Variants in SPATA17 observed in about 807,000 individuals in gnomAD.
SPATA17 encodes spermatogenesis associated 17.
A neutral mutation model predicts 62.2 loss-of-function variants in SPATA17; 53 were observed. That is an observed-to-expected ratio of 0.85 (90% CI 0.68 to 1.07). SPATA17 has a LOEUF of 1.07. Ranked by LOEUF, SPATA17 falls within the 50% of genes least tolerant of loss-of-function variation. SPATA17 has a pLI of 0.00. For missense variants in SPATA17, 466 were observed against 425.5 expected, an observed-to-expected ratio of 1.10 and a Z score of -0.84; for synonymous variants, 146 against 146.8, an observed-to-expected ratio of 0.99 and a Z score of 0.04.
intron 6 of SPATA17, among the ~76,000 whole-genome samples, chr1:217,749,872 C>T (rs1672856612): frequency 6.7e-6 from 1 of 149,724 alleles, no homozygotes; most frequent in South Asian, 2.1e-4. Flanking sequence ...TGAGTCTGAT[C>T]TGCCTTTGCT....
chr1:217,772,954 A>ATAGGACGTTGCATT (rs2102971083), intron 6 of SPATA17, among the ~76,000 whole-genome samples: 1 of 152,140 alleles, frequency 6.6e-6, no homozygotes, highest in East Asian at 1.9e-4. Context: ...TGCATTTGGG[A>ATAGGACGTTGCATT]TGGGATGTTG....
At chr1:217,686,395 G>T (rs1671215171) in intron 5 of SPATA17, among the ~76,000 whole-genome samples, 1 of 151,774 alleles carries the variant, frequency 6.6e-6, no homozygotes, top group South Asian at 2.1e-4. Flanking sequence ...TGTTATTTAT[G>T]ATATTTTAAT....
intron 5 of SPATA17, among the ~76,000 whole-genome samples, chr1:217,740,054 T>A (rs1018282972): frequency 2.0e-5 from 3 of 151,892 alleles, no homozygotes; most frequent in African/African-American, 7.2e-5. Flanking sequence ...ATTCTGAAGA[T>A]GAACTGTTTT....
In SPATA17 at chr1:217,703,361, G is replaced by A. The variant is rs529532464; in HGVS notation, c.395+20000G>A. ...TAGCTTTTGTGTTTTTAGTAGAGAC[G>A]GGGTTTCGCCATGTTGGTCAGGCTG... is the stretch of plus-strand genomic sequence containing the variant. On this transcript the variant is annotated intron_variant, in intron 5 of 10. Coordinates refer to ENST00000366933, the MANE Select transcript of SPATA17 (RefSeq NM_138796.4). 2.7e-5 allele frequency among the ~76,000 whole-genome samples: 4 copies of A among 150,832 alleles called. No homozygotes were observed. In the South Asian group the frequency reaches 6.3e-4, roughly 24 times the overall value.
chr1:217,827,290 G>C (rs562261323), intron 9 of SPATA17, among the ~76,000 whole-genome samples: 8 of 152,092 alleles, frequency 5.3e-5, no homozygotes, highest in African/African-American at 1.9e-4. Flanking sequence ...AATTGGAAAG[G>C]TATCCTATGT....
chr1:217,802,395 A>C (rs1028562031), intron 9 of SPATA17, among the ~76,000 whole-genome samples: 12 of 152,190 alleles, frequency 7.9e-5, no homozygotes, highest in Admixed American at 2.6e-4. Context: ...ATTAGTCTAT[A>C]CTCAGACTGC....
intron 3 of SPATA17, among the ~76,000 whole-genome samples, chr1:217,659,187 A>AACAC (rs10546517): frequency 0.028 from 4,045 of 144,594 alleles, 115 homozygotes; most frequent in African/African-American, 0.071. Context: ...TGCCCATCAA[A>AACAC]ACACACACAC....
chr1:217,799,810 T>C (rs1051729098), intron 8 of SPATA17, among the ~76,000 whole-genome samples: 9 of 152,084 alleles, frequency 5.9e-5, no homozygotes, highest in Non-Finnish European at 8.8e-5. Context: ...TTAGATCATC[T>C]GTGTGAAAAT....
At chr1:217,777,846 AG>A (rs1028097100) in intron 7 of SPATA17, among the ~76,000 whole-genome samples, 61 of 152,274 alleles carry the variant, frequency 4.0e-4, no homozygotes, top group African/African-American at 1.4e-3. Flanking sequence ...TCAGTTTTTT[AG>A]GGGGATATGT....
chr1:217,722,502 A>C (rs974195041), intron 5 of SPATA17, among the ~76,000 whole-genome samples: 4 of 152,142 alleles, frequency 2.6e-5, no homozygotes, highest in Non-Finnish European at 5.9e-5. Flanking sequence ...TTTACAAGTA[A>C]AATAACATAA....
chr1:217,867,988 T>C lies in SPATA17; in HGVS notation c.*969T>C, dbSNP rs1266082002. On this transcript the variant is annotated 3_prime_UTR_variant, in exon 11 of 11. Transcript: ENST00000366933. ...CCAGCGAAATCCAGACTCTGGGAAATGTTATAGGCCAAATGATCTGTTTCT... is the reference window on the plus strand; with the variant it reads ...CCAGCGAAATCCAGACTCTGGGAAACGTTATAGGCCAAATGATCTGTTTCT... 1 of 152,076 alleles carries C rather than the reference T, an allele frequency of 6.6e-6. No individual in the cohort carries two copies. Among genetic ancestry groups the C allele is most frequent in the Non-Finnish European group, 1.5e-5 (1 of 68,012 alleles). The allele number at this position is 152,076 out of a possible 1,614,324, so 9.4% of individuals were successfully genotyped here.
chr1:217,843,142 A>G (rs909390544), intron 9 of SPATA17, among the ~76,000 whole-genome samples: 2 of 152,096 alleles, frequency 1.3e-5, no homozygotes, highest in Non-Finnish European at 1.5e-5. Context: ...GATCTGGTCA[A>G]TTCTGGTAAA....
chr1:217,728,370 T>G (rs1672319025), intron 5 of SPATA17, among the ~76,000 whole-genome samples: 1 of 152,172 alleles, frequency 6.6e-6, no homozygotes, highest in African/African-American at 2.4e-5. Context: ...CATTACCTGT[T>G]TCTTAATTGT....
intron 5 of SPATA17, among the ~76,000 whole-genome samples, chr1:217,734,458 C>G (rs978613469): frequency 5.9e-5 from 9 of 152,144 alleles, no homozygotes; most frequent in Admixed American, 4.6e-4. Context: ...CTGCCTCAGC[C>G]TCCGGAATAG....
At chr1:217,835,292 C>T (rs531829146) in intron 9 of SPATA17, among the ~76,000 whole-genome samples, 1 of 152,232 alleles carries the variant, frequency 6.6e-6, no homozygotes, top group Admixed American at 6.5e-5. Context: ...TAGTCTGTAA[C>T]AGCTGAAAGT....
At chr1:217,671,765 C>T (rs559845940) in intron 4 of SPATA17, among the ~76,000 whole-genome samples, 2 of 152,216 alleles carry the variant, frequency 1.3e-5, no homozygotes, top group East Asian at 1.9e-4. Flanking sequence ...GAGGTTGGAA[C>T]GATCCACTAA....
chr1:217,690,473 A>ATTTTTTTTTTTT (rs60737502), intron 5 of SPATA17, among the ~76,000 whole-genome samples: 2 of 79,530 alleles, frequency 2.5e-5, no homozygotes, highest in East Asian at 2.3e-4. Flanking sequence ...TTTATTTTTT[A>ATTTTTTTTTTTT]TTTTTTTTTT....
chr1:217,779,571 C>A (rs1165137613), intron 7 of SPATA17, among the ~76,000 whole-genome samples: 5 of 151,870 alleles, frequency 3.3e-5, no homozygotes, highest in Admixed American at 3.3e-4. Context: ...ACCTTCTCCT[C>A]TCTTTACTTC....
Position 217,644,657 on chromosome 1 carries a change from T to A in SPATA17, c.69-4225T>A, listed in dbSNP as rs989813494. Among the ~76,000 whole-genome samples the A allele has an allele frequency of 1.5e-4, 23 of 152,098 alleles. 1 individual carries two copies. Among genetic ancestry groups the A allele is most frequent in the Admixed American group, 1.5e-3 (23 of 15,264 alleles). On this transcript the variant is annotated intron_variant, in intron 1 of 10. Coordinates refer to ENST00000366933, the MANE Select transcript of SPATA17 (RefSeq NM_138796.4). ...ACATTTTTTTTTCATTTTCTACTTA[T>A]TGTCAGTTCATTTCTGGCCACTAAT...
Sources: allele counts gnomAD v4.1 joint callset (sites outside exome capture counted in the v4.1 genomes callset), GRCh38; gene constraint gnomAD v4.1.1; transcripts MANE v1.5; gene names NCBI Gene and HGNC (gene_info 2026-07-23, HGNC 2026-07-21).